The following CELF2 variants were observed in gnomAD, a reference collection of about 807,000 sequenced individuals.
CELF2 encodes CUGBP Elav-like family member 2.
CELF2 carries 8 observed loss-of-function variants against 62.6 expected under a neutral mutation model. The ratio of observed to expected loss-of-function variants is 0.13; its 90% CI spans 0.07 to 0.23. The LOEUF is 0.23. CELF2 is among the 10% of genes least tolerant of loss of function. The pLI is 1.00. For missense variants in CELF2, 333 were observed against 671.0 expected, an observed-to-expected ratio of 0.50 and a Z score of 5.56; for synonymous variants, 258 against 250.0, an observed-to-expected ratio of 1.03 and a Z score of -0.30.
chr10:10,477,601 G>T, the CELF2 span, among the ~76,000 whole-genome samples: 1 of 152,184 alleles, frequency 6.6e-6, no homozygotes, highest in Non-Finnish European at 1.5e-5. Flanking sequence ...TAGGCCGAGT[G>T]CTGTTATGAC....
At chr10:10,870,103 A>T (rs993966148) in intron 1 of CELF2, among the ~76,000 whole-genome samples, 1 of 152,260 alleles carries the variant, frequency 6.6e-6, no homozygotes, top group Non-Finnish European at 1.5e-5. Flanking sequence ...ACATAATATT[A>T]ACCAAGAAGC....
the CELF2 span, among the ~76,000 whole-genome samples, chr10:10,628,370 C>T: frequency 6.6e-6 from 1 of 152,098 alleles, no homozygotes; most frequent in Non-Finnish European, 1.5e-5. Context: ...AGAGAAAGAA[C>T]TCATTTATGG....
chr10:11,112,922 G>T (rs1209973302), intron 1 of CELF2, among the ~76,000 whole-genome samples: 1 of 152,110 alleles, frequency 6.6e-6, no homozygotes, highest in African/African-American at 2.4e-5. Flanking sequence ...TGAAGCTTGT[G>T]TCCTGACTGA....
In CELF2 at chr10:10,987,590, T is replaced by TA. The variant is rs2052922455; in HGVS notation, c.89+67595dup. ...GATGTAGTTCAGAGATAGAGCACAT[T>TA]AAAAGAATTATACTCCACAATCAAT... is the stretch of plus-strand genomic sequence containing the variant. On this transcript the variant is annotated intron_variant, in intron 2 of 13. Transcript: ENST00000636488. 2.6e-5 allele frequency among the ~76,000 whole-genome samples: 4 copies of TA among 152,250 alleles called. No individual in the cohort carries two copies. The South Asian group carries it at 8.3e-4, about 32-fold the overall frequency.
At chr10:11,082,299 C>T (rs562489096) in intron 1 of CELF2, among the ~76,000 whole-genome samples, 2 of 152,340 alleles carry the variant, frequency 1.3e-5, no homozygotes, top group South Asian at 2.1e-4. Context: ...TTGCAGCCAA[C>T]GGTTGAACTT....
chr10:10,803,202 A>T (rs1285635505), intron 1 of CELF2, among the ~76,000 whole-genome samples: 1 of 152,244 alleles, frequency 6.6e-6, no homozygotes, highest in East Asian at 1.9e-4. Flanking sequence ...ACATAGAGGA[A>T]TGAAAGCATT....
In CELF2 at chr10:11,165,573, C is replaced by T. The variant is rs752069249; in HGVS notation, c.162C>T (p.Ile54=). 3.7e-5 allele frequency: 60 copies of T among 1,614,100 alleles called. No individual in the cohort carries two copies. Among genetic ancestry groups the T allele is most frequent in the Non-Finnish European group, 4.9e-5 (58 of 1,180,048 alleles). Residue 54 remains isoleucine, a synonymous_variant, in exon 2 of 13, where the codon ATC becomes ATT. Coordinates refer to ENST00000633077, the MANE Select transcript of CELF2 (RefSeq NM_001326342.2). This position sits in a 1 kb window ranked among gnomAD's most constrained non-coding sequence, Gnocchi z 7.4. ...PDAIKMFVGQ[I]PRSWSEKELK... is the part of the protein sequence containing the mutation. ...CCATTAAGATGTTTGTCGGACAGAT[C>T]CCCCGGTCATGGTCGGAAAAGGAGC...
intron 9 of CELF2, among the ~76,000 whole-genome samples, chr10:11,310,676 T>C (rs1164722908): frequency 6.6e-6 from 1 of 151,936 alleles, no homozygotes; most frequent in East Asian, 1.9e-4. Context: ...TTTAACACGC[T>C]ACTTACTAGC....
At chr10:11,262,254 A>G (rs1002819388) in intron 5 of CELF2, among the ~76,000 whole-genome samples, 1 of 152,204 alleles carries the variant, frequency 6.6e-6, no homozygotes, top group Non-Finnish European at 1.5e-5. Context: ...TGATCAGAAT[A>G]CAGGAATGGG....
At chr10:10,463,099 G>C in the CELF2 span, among the ~76,000 whole-genome samples, 1 of 152,102 alleles carries the variant, frequency 6.6e-6, no homozygotes, top group Non-Finnish European at 1.5e-5. Flanking sequence ...AGACTAAAGT[G>C]AGTGCTCAGT....
At chr10:10,837,043 A>G (rs1252204717) in intron 1 of CELF2, among the ~76,000 whole-genome samples, 1 of 152,200 alleles carries the variant, frequency 6.6e-6, no homozygotes, top group Non-Finnish European at 1.5e-5. Context: ...CTCTTACACC[A>G]GGAATTCCCT....
chr10:10,978,034 G>GTTTT lies in CELF2; in HGVS notation c.89+58038_89+58041dup, dbSNP rs527485788. 7.4e-5 allele frequency among the ~76,000 whole-genome samples: 9 copies of GTTTT among 121,776 alleles called. 1 individual carries two copies. Among genetic ancestry groups the GTTTT allele is most frequent in the Non-Finnish European group, 1.0e-4 (6 of 59,354 alleles). 79.9% of individuals were successfully genotyped at this position (121,776 alleles called of 152,430 possible). On this transcript the variant is annotated intron_variant, in intron 2 of 13. Coordinates refer to the CELF2 transcript ENST00000636488. The stretch of plus-strand genomic sequence containing the variant: ...GTGTTTTGGGTTTGGGTTTTTTTTT[G>GTTTT]TTTTTTGTTTTTTTTTTTCCAGAGA...
the CELF2 span, among the ~76,000 whole-genome samples, chr10:10,641,861 T>A: frequency 1.3e-5 from 2 of 152,314 alleles, no homozygotes; most frequent in East Asian, 3.9e-4. Context: ...AAAATTCAAG[T>A]AGGTAACTCT....
intron 2 of CELF2, among the ~76,000 whole-genome samples, chr10:11,179,112 T>C (rs964846660): frequency 1.2e-4 from 18 of 152,222 alleles, no homozygotes; most frequent in Admixed American, 1.2e-3. Context: ...CAACACATCC[T>C]TCGGAGTAAT....
At chr10:11,066,062 G>A (rs921189263) in intron 1 of CELF2, among the ~76,000 whole-genome samples, 9 of 152,240 alleles carry the variant, frequency 5.9e-5, no homozygotes, top group South Asian at 2.1e-4. Context: ...CTGAGAGGGC[G>A]TAGGGAGGAG....
At chr10:11,054,167 G>A (rs1269031440) in intron 1 of CELF2, among the ~76,000 whole-genome samples, 2 of 152,190 alleles carry the variant, frequency 1.3e-5, no homozygotes, top group Non-Finnish European at 2.9e-5. Context: ...TATAGGAAGT[G>A]CAGAATAAAT....
At position 11,330,455 on chromosome 10, in the gene CELF2, G is replaced by GACATCTTCATGCCC. The variant is rs2095986739; in HGVS notation, c.*1403_*1416dup. 6.6e-6 allele frequency: 1 copy of GACATCTTCATGCCC among 152,368 alleles called. No homozygotes were observed. The highest frequency in any genetic ancestry group is 1.5e-5 in the Non-Finnish European group (1 of 68,020). The allele number at this position is 152,368 out of a possible 1,614,324, so 9.4% of individuals were successfully genotyped here. A position where few individuals can be genotyped will look rare whatever the true frequency, so the allele number is the denominator to read the frequency against. ...TTTACTCTTCCTTGTTTTTTCCCTA[G>GACATCTTCATGCCC]ACATCTTCATGCCCGTTAGTTCATC... is the stretch of plus-strand genomic sequence containing the variant. On this transcript the variant is annotated 3_prime_UTR_variant, in exon 13 of 13. Transcript: ENST00000633077. This position sits in a 1 kb window ranked among gnomAD's most constrained non-coding sequence, Gnocchi z 4.5.
the CELF2 span, among the ~76,000 whole-genome samples, chr10:10,673,034 A>C: frequency 6.7e-6 from 1 of 150,364 alleles, no homozygotes; most frequent in East Asian, 1.9e-4. Context: ...ATTCCTAAGC[A>C]TTTTTTTTTG....
At chr10:10,566,001 A>G in the CELF2 span, among the ~76,000 whole-genome samples, 1 of 152,248 alleles carries the variant, frequency 6.6e-6, no homozygotes, top group South Asian at 2.1e-4. Context: ...TGCACTTGAG[A>G]AGCTATATAA....
Sources: gnomAD v4.1 joint callset for allele counts (sites outside exome capture counted in the v4.1 genomes callset) on GRCh38, gnomAD v4.1.1 for gene constraint, Gnocchi (gnomAD v3.1) non-coding constraint, MANE v1.5 for transcripts, NCBI Gene and HGNC (gene_info 2026-07-23, HGNC 2026-07-21) for gene names.